TENM3: variants seen among roughly 807,000 people sequenced by gnomAD.
TENM3 encodes teneurin transmembrane protein 3, also known as teneurin-3.
TENM3 carries 63 observed loss-of-function variants against 255.1 expected under a neutral mutation model. The observed-to-expected ratio is 0.25, with a 90% CI of 0.20 to 0.30. The LOEUF is 0.30. Ranked by LOEUF, TENM3 falls within the 10% of genes least tolerant of loss-of-function variation. The probability of loss-of-function intolerance (pLI) is 1.00; values close to 1 mark genes in which losing one functional copy is unlikely to be tolerated. For synonymous variants in TENM3, 1,306 were observed against 1,322.3 expected, an observed-to-expected ratio of 0.99 and a Z score of 0.27; for missense variants, 2,929 against 3,461.1, an observed-to-expected ratio of 0.85 and a Z score of 3.86.
At chr4:181,737,134 C>A in the TENM3 span, among the ~76,000 whole-genome samples, 1 of 152,174 alleles carries the variant, frequency 6.6e-6, no homozygotes, top group Non-Finnish European at 1.5e-5. Flanking sequence ...AACACCATGG[C>A]ACCATTGCAA....
chr4:182,717,327 G>A (rs1301336603), intron 13 of TENM3, among the ~76,000 whole-genome samples: 7 of 152,294 alleles, frequency 4.6e-5, no homozygotes, highest in East Asian at 1.9e-4. Flanking sequence ...TAGGAAGAAC[G>A]TAGATGGGGG....
At chr4:181,849,075 C>CA in the TENM3 span, among the ~76,000 whole-genome samples, 1 of 152,150 alleles carries the variant, frequency 6.6e-6, no homozygotes, top group African/African-American at 2.4e-5. Flanking sequence ...ATAAACAGTA[C>CA]AACCAAGCAT....
the TENM3 span, chr4:181,522,940 T>C: frequency 1.3e-6 from 1 of 762,802 alleles, no homozygotes; most frequent in Non-Finnish European, 2.3e-6. Flanking sequence ...AAGAAGAGAA[T>C]GGCAAAGTAT....
chr4:182,481,244 T>A (rs1041437671), intron 3 of TENM3, among the ~76,000 whole-genome samples: 3 of 152,140 alleles, frequency 2.0e-5, no homozygotes, highest in African/African-American at 7.2e-5. Flanking sequence ...AAACAAGGAG[T>A]TAAAGAGAAA....
At chr4:182,496,233 C>T (rs4502721) in intron 3 of TENM3, among the ~76,000 whole-genome samples, 24,413 of 152,130 alleles carry the variant, frequency 0.16, 3,195 homozygotes, top group African/African-American at 0.35. Flanking sequence ...TAATGGAAGT[C>T]ACCATTAAAG....
chr4:181,742,512 T>C, the TENM3 span, among the ~76,000 whole-genome samples: 1 of 152,106 alleles, frequency 6.6e-6, no homozygotes, highest in Non-Finnish European at 1.5e-5. Context: ...ACTTTCTGGT[T>C]CTCATGGGGC....
chr4:181,575,357 TA>T, the TENM3 span, among the ~76,000 whole-genome samples: 3 of 152,194 alleles, frequency 2.0e-5, no homozygotes, highest in Non-Finnish European at 2.9e-5. Context: ...TAGGTTGATC[TA>T]AAATGCAATA....
the TENM3 span, among the ~76,000 whole-genome samples, chr4:182,002,166 C>A: frequency 6.6e-6 from 1 of 152,000 alleles, no homozygotes; most frequent in African/African-American, 2.4e-5. Context: ...TAGATCTCTG[C>A]CAGAAGGAAA....
chr4:182,371,229 T>TCACACACACACA (rs3221610), intron 3 of TENM3, among the ~76,000 whole-genome samples: 3,571 of 144,266 alleles, frequency 0.025, 64 homozygotes, highest in Non-Finnish European at 0.04. Context: ...CTCCTCCCCA[T>TCACACACACACA]CACACACACA....
chr4:181,628,678 G>T, the TENM3 span, among the ~76,000 whole-genome samples: 1 of 152,174 alleles, frequency 6.6e-6, no homozygotes, highest in Non-Finnish European at 1.5e-5. Flanking sequence ...GCTCTGTTCT[G>T]TTCCATTGGT....
At chr4:182,268,961 C>T (rs924744724) in intron 1 of TENM3, among the ~76,000 whole-genome samples, 1 of 152,118 alleles carries the variant, frequency 6.6e-6, no homozygotes, top group Non-Finnish European at 1.5e-5. Flanking sequence ...TGAATTCTTT[C>T]TTGTGTGAGA....
At chr4:182,334,164 C>T (rs1310317535) in intron 2 of TENM3, among the ~76,000 whole-genome samples, 1 of 117,014 alleles carries the variant, frequency 8.5e-6, no homozygotes, top group Non-Finnish European at 1.7e-5. Flanking sequence ...GCTTGGAAGT[C>T]AGAAAAAAAA....
chr4:182,142,289 A>C (rs1441072802), upstream of TENM3: 2 of 152,694 alleles, frequency 1.3e-5, no homozygotes, highest in Non-Finnish European at 2.9e-5. Context: ...GCTTTCCGTC[A>C]CTAGCGCCCC....
the TENM3 span, among the ~76,000 whole-genome samples, chr4:181,626,380 C>G: frequency 6.6e-6 from 1 of 152,090 alleles, no homozygotes; most frequent in South Asian, 2.1e-4. Context: ...ATACCTGAGA[C>G]TAATTTATAT....
chr4:182,169,969 T>C (rs1751990966), intron 1 of TENM3, among the ~76,000 whole-genome samples: 1 of 151,482 alleles, frequency 6.6e-6, no homozygotes, highest in Non-Finnish European at 1.5e-5. Context: ...TAGTTTCCGA[T>C]TGTTGTGAAT....
intron 2 of TENM3, among the ~76,000 whole-genome samples, chr4:182,334,949 T>C (rs1257318266): frequency 6.6e-6 from 1 of 152,126 alleles, no homozygotes; most frequent in African/African-American, 2.4e-5. Context: ...AGTCCAGAGA[T>C]AGACTATCTA....
At chr4:181,870,779 C>T in the TENM3 span, among the ~76,000 whole-genome samples, 146,410 of 152,168 alleles carry the variant, frequency 0.96, 70,697 homozygotes, top group East Asian at 1. Flanking sequence ...CTTAATGATG[C>T]CTTATGATAA....
At chr4:182,667,541 A>G (rs1296450286) in intron 6 of TENM3, among the ~76,000 whole-genome samples, 1 of 152,212 alleles carries the variant, frequency 6.6e-6, no homozygotes, top group African/African-American at 2.4e-5. Context: ...GTTCGAATAA[A>G]TTAATCTACA....
At chr4:181,986,417 G>C in the TENM3 span, among the ~76,000 whole-genome samples, 1 of 151,802 alleles carries the variant, frequency 6.6e-6, no homozygotes, top group African/African-American at 2.4e-5. Context: ...AAGTGTTCTG[G>C]CTCTGCTCTG....
Sources: allele counts gnomAD v4.1 joint callset (sites outside exome capture counted in the v4.1 genomes callset), GRCh38; gene constraint gnomAD v4.1.1; transcripts MANE v1.5; gene names NCBI Gene and HGNC (gene_info 2026-07-23, HGNC 2026-07-21).